MYRIP: variants seen among roughly 807,000 people sequenced by gnomAD.
MYRIP encodes the protein myosin VIIA and Rab interacting protein, also known as rab effector MyRIP.
A neutral mutation model predicts 98.0 loss-of-function variants in MYRIP; 49 were observed. That is an observed-to-expected ratio of 0.50 (90% confidence interval 0.40 to 0.63). The LOEUF (loss-of-function observed/expected upper bound fraction) is 0.63, where lower values mean the gene tolerates loss of function less well. MYRIP is among the 30% of genes least tolerant of loss of function. The pLI is 0.00. For synonymous variants in MYRIP, 404 were observed against 409.5 expected, an observed-to-expected ratio of 0.99 and a Z score of 0.16; for missense variants, 1,004 against 1,058.2, an observed-to-expected ratio of 0.95 and a Z score of 0.71.
Position 40,021,121 on chromosome 3 carries a change from C to G in MYRIP, c.111-22929C>G, listed in dbSNP as rs142313378. Among the ~76,000 whole-genome samples the G allele has an allele frequency of 3.9e-3, 596 of 152,270 alleles. 19 individuals are homozygous for G. The highest frequency in any genetic ancestry group is 0.034 in the Admixed American group (524 of 15,296). On this transcript the variant is annotated intron_variant, in intron 2 of 16. Transcript: ENST00000302541. ...ACTAAGGCAAGGAAGCCTTTACCCC[C>G]CTTTGCTCTGGTAAGGGAGATGTCA...
intron 1 of MYRIP, among the ~76,000 whole-genome samples, chr3:39,838,703 T>C (rs1941702093): frequency 6.6e-6 from 1 of 152,208 alleles, no homozygotes. Flanking sequence ...GGTTTTCGTA[T>C]CAGGATGATT....
chr3:39,853,146 C>T (rs752768181), intron 1 of MYRIP, among the ~76,000 whole-genome samples: 1 of 152,182 alleles, frequency 6.6e-6, no homozygotes, highest in Non-Finnish European at 1.5e-5. Context: ...TTTCTTTACT[C>T]ACTCATTGGT....
At chr3:40,002,009 G>A (rs1946530028) in intron 2 of MYRIP, among the ~76,000 whole-genome samples, 1 of 152,136 alleles carries the variant, frequency 6.6e-6, no homozygotes, top group Non-Finnish European at 1.5e-5. Flanking sequence ...ACATATTGCT[G>A]GGGATCACAG....
chr3:39,906,410 G>A (rs59225008), intron 2 of MYRIP, among the ~76,000 whole-genome samples: 31,985 of 152,062 alleles, frequency 0.21, 3,610 homozygotes, highest in Middle Eastern at 0.28. Context: ...TCTACACTTA[G>A]CTTTGATTGC....
At chr3:39,926,040 A>G in intron 2 of MYRIP, among the ~76,000 whole-genome samples, 1 of 152,150 alleles carries the variant, frequency 6.6e-6, no homozygotes, top group African/African-American at 2.4e-5. Flanking sequence ...CTGATGTGAG[A>G]TGGTATCTCA....
At chr3:40,168,558 TG>T (rs1186252345) in intron 7 of MYRIP, among the ~76,000 whole-genome samples, 13 of 152,362 alleles carry the variant, frequency 8.5e-5, no homozygotes, top group African/African-American at 2.6e-4. Flanking sequence ...ATATATGTTT[TG>T]TTATACCACA....
At chr3:39,897,055 A>G (rs750191592) in intron 1 of MYRIP, among the ~76,000 whole-genome samples, 5 of 152,238 alleles carry the variant, frequency 3.3e-5, no homozygotes, top group African/African-American at 4.8e-5. Context: ...TGATAATTAA[A>G]TTTGAAAAAT....
chr3:39,830,747 T>C (rs954035013), intron 1 of MYRIP, among the ~76,000 whole-genome samples: 1 of 152,190 alleles, frequency 6.6e-6, no homozygotes. Flanking sequence ...AATATGTTAT[T>C]TTTCTTTTCT....
intron 1 of MYRIP, among the ~76,000 whole-genome samples, chr3:39,846,339 C>A (rs1941965594): frequency 6.6e-6 from 1 of 152,160 alleles, no homozygotes; most frequent in Non-Finnish European, 1.5e-5. Context: ...CCTGCATTCC[C>A]TTGGACTCTG....
intron 3 of MYRIP, among the ~76,000 whole-genome samples, chr3:40,121,975 G>A (rs1355965758): frequency 6.6e-6 from 1 of 152,028 alleles, no homozygotes. Context: ...TTTAAAAACA[G>A]GAAAATAGCT....
intron 2 of MYRIP, among the ~76,000 whole-genome samples, chr3:39,963,399 A>T (rs6793214): frequency 0.17 from 26,234 of 152,080 alleles, 4,332 homozygotes; most frequent in African/African-American, 0.43. Context: ...TTTCTCATCC[A>T]TCCATCCATC....
chr3:40,196,745 C>T (rs572675194), intron 10 of MYRIP, among the ~76,000 whole-genome samples: 2 of 152,322 alleles, frequency 1.3e-5, no homozygotes, highest in Admixed American at 1.3e-4. Flanking sequence ...AAGGTCCTGT[C>T]TCTTGAAGGT....
chr3:39,924,490 AT>A (rs1422887408), intron 2 of MYRIP, among the ~76,000 whole-genome samples: 1 of 152,112 alleles, frequency 6.6e-6, no homozygotes, highest in African/African-American at 2.4e-5. Flanking sequence ...TAAAATTTAA[AT>A]TGGTAGAACT....
intron 1 of MYRIP, among the ~76,000 whole-genome samples, chr3:39,824,035 G>A (rs1392516272): frequency 2.0e-5 from 3 of 152,028 alleles, no homozygotes; most frequent in African/African-American, 7.2e-5. Flanking sequence ...TTTTGTTTAA[G>A]GCGAGAAGTG....
In MYRIP at chr3:39,853,437, G is replaced by C. The variant is rs569810933; in HGVS notation, c.-31+43521G>C. On this transcript the variant is annotated intron_variant, in intron 1 of 16. Transcript: ENST00000302541. ...GCATCTATTATTTTTTTTATTTTTT[G>C]ATTATGACCATTCTTGCAGGAGTAA... is the stretch of plus-strand genomic sequence containing the variant. Among the ~76,000 whole-genome samples, 63 of 151,714 alleles carry C rather than the reference G, an allele frequency of 4.2e-4. 2 individuals carry two copies. The South Asian group carries it at 0.013, about 31-fold the overall frequency.
intron 3 of MYRIP, among the ~76,000 whole-genome samples, chr3:40,126,255 T>G (rs753476752): frequency 1.3e-5 from 2 of 152,156 alleles, no homozygotes; most frequent in Non-Finnish European, 2.9e-5. Context: ...TCAGAAACTC[T>G]GGGGTGGGGC....
intron 8 of MYRIP, chr3:40,174,795 A>AT (rs1950712917): frequency 6.6e-6 from 1 of 152,216 alleles, no homozygotes; most frequent in Non-Finnish European, 1.5e-5. Context: ...ATAGATAACC[A>AT]TTTTTAGCTC....
At chr3:40,092,521 C>T (rs17075609) in intron 3 of MYRIP, among the ~76,000 whole-genome samples, 2,644 of 152,188 alleles carry the variant, frequency 0.017, 32 homozygotes, top group South Asian at 0.038. Context: ...TGCTTGGGAC[C>T]GTCTAGGATC....
At chr3:39,912,838 G>C (rs147245453) in intron 2 of MYRIP, among the ~76,000 whole-genome samples, 3 of 152,118 alleles carry the variant, frequency 2.0e-5, no homozygotes, top group East Asian at 3.9e-4. Context: ...TCAAGAGTTC[G>C]AGACCAGCCT....
Sources: gnomAD v4.1 joint callset for allele counts (sites outside exome capture counted in the v4.1 genomes callset) on GRCh38, gnomAD v4.1.1 for gene constraint, MANE v1.5 for transcripts, NCBI Gene and HGNC (gene_info 2026-07-23, HGNC 2026-07-21) for gene names.